Variants in TPH2 observed in about 807,000 individuals in gnomAD.
TPH2 encodes tryptophan 5-hydroxylase 2.
Under a neutral mutation model 59.1 loss-of-function variants are expected in TPH2, and 27 were observed. That is an observed-to-expected ratio of 0.46 (90% confidence interval 0.34 to 0.63). TPH2 has a LOEUF of 0.63. Among genes scored for constraint, TPH2 ranks in the 30% least tolerant of loss-of-function variants. TPH2 has a pLI of 0.01. For missense variants in TPH2, 523 were observed against 588.3 expected, an observed-to-expected ratio of 0.89 and a Z score of 1.15; for synonymous variants, 220 against 210.5, an observed-to-expected ratio of 1.05 and a Z score of -0.39.
intron 8 of TPH2, among the ~76,000 whole-genome samples, chr12:72,015,431 T>C (rs1212243499): frequency 6.7e-6 from 1 of 149,194 alleles, no homozygotes; most frequent in Non-Finnish European, 1.5e-5. Context: ...GCCATTCTCC[T>C]GTCTCAGCCT....
chr12:71,972,732 G>A lies in TPH2; in HGVS notation c.805+17G>A. ...TTCTGAAAGGTAAGATTTCACACAG[G>A]CTGTCTCTTATTAGTCAATATCCTC... On this transcript the variant is annotated intron_variant, in intron 6 of 10. Coordinates refer to ENST00000333850, the MANE Select transcript of TPH2 (RefSeq NM_173353.4). The A allele has an allele frequency of 1.9e-6, 3 of 1,611,430 alleles. No individual in the cohort carries two copies. Among genetic ancestry groups the A allele is most frequent in the South Asian group, 2.2e-5 (2 of 91,068 alleles).
At chr12:71,961,621 G>C (rs1310890770) in intron 5 of TPH2, 1 of 1,352,080 alleles carries the variant, frequency 7.4e-7, no homozygotes, top group Non-Finnish European at 9.8e-7. Flanking sequence ...AGTTCTTTGA[G>C]CTCAAGCTCC....
chr12:71,991,743 G>A (rs980331403), intron 7 of TPH2, among the ~76,000 whole-genome samples: 3 of 152,172 alleles, frequency 2.0e-5, no homozygotes, highest in African/African-American at 7.2e-5. Flanking sequence ...TGAATCAAAT[G>A]CACATGGAGA....
intron 8 of TPH2, among the ~76,000 whole-genome samples, chr12:72,015,126 C>T (rs559235170): frequency 6.6e-6 from 1 of 152,070 alleles, no homozygotes; most frequent in South Asian, 2.1e-4. Context: ...ACTCTAGTAG[C>T]TAGGGTAGGT....
intron 7 of TPH2, among the ~76,000 whole-genome samples, chr12:71,980,896 A>G (rs989254224): frequency 3.3e-5 from 5 of 152,234 alleles, no homozygotes; most frequent in Admixed American, 2.6e-4. Flanking sequence ...AGGGCAGTGC[A>G]GTGGATTCAG....
intron 2 of TPH2, among the ~76,000 whole-genome samples, chr12:71,942,457 T>C (rs1592857442): frequency 6.6e-6 from 1 of 152,084 alleles, no homozygotes; most frequent in African/African-American, 2.4e-5. Context: ...GCAGTGGCGG[T>C]TGATGAGAGC....
chr12:71,994,313 A>G, intron 7 of TPH2, 126 bp from the exon 8 acceptor site: 3 of 1,007,148 alleles, frequency 3.0e-6, no homozygotes, highest in South Asian at 2.7e-5. Context: ...AAGTCCCAGC[A>G]TTGATGAACT....
intron 10 of TPH2, 36 bp from the exon 11 acceptor site, chr12:72,031,485 T>G: frequency 3.1e-6 from 5 of 1,613,212 alleles, no homozygotes; most frequent in Non-Finnish European, 4.2e-6. Flanking sequence ...CAATGAGGGT[T>G]GATCACATCT....
chr12:72,015,090 T>C (rs1592412199), intron 8 of TPH2, among the ~76,000 whole-genome samples: 1 of 152,188 alleles, frequency 6.6e-6, no homozygotes, highest in East Asian at 1.9e-4. Context: ...GCTTGTAAAC[T>C]GACATTTTGA....
chr12:71,949,343 C>T (rs893345719), intron 4 of TPH2, among the ~76,000 whole-genome samples: 1 of 152,152 alleles, frequency 6.6e-6, no homozygotes, highest in African/African-American at 2.4e-5. Context: ...CTAAGCCATT[C>T]TGCTTACTTA....
At chr12:71,947,021 A>G (rs147590586) in intron 4 of TPH2, among the ~76,000 whole-genome samples, 1 of 152,158 alleles carries the variant, frequency 6.6e-6, no homozygotes, top group Non-Finnish European at 1.5e-5. Context: ...GTTCACTCAT[A>G]AGGTGTTTGT....
chr12:71,944,511 C>T, intron 3 of TPH2, 34 bp downstream of exon 3: 2 of 1,613,734 alleles, frequency 1.2e-6, no homozygotes, highest in Non-Finnish European at 1.7e-6. Flanking sequence ...GGTAACTTTG[C>T]AATCTGACAA....
chr12:72,024,866 C>T (rs1365161016), intron 9 of TPH2, among the ~76,000 whole-genome samples: 4 of 152,170 alleles, frequency 2.6e-5, no homozygotes, highest in African/African-American at 9.7e-5. Flanking sequence ...GGTCCATTAC[C>T]TCTAGTCATT....
chr12:72,006,950 A>G (rs1319860687), intron 8 of TPH2, among the ~76,000 whole-genome samples: 1 of 152,134 alleles, frequency 6.6e-6, no homozygotes, highest in Non-Finnish European at 1.5e-5. Context: ...TCACATGACT[A>G]TACTCTCAGA....
chr12:71,991,591 T>C (rs1396147592), intron 7 of TPH2, among the ~76,000 whole-genome samples: 1 of 152,190 alleles, frequency 6.6e-6, no homozygotes, highest in Non-Finnish European at 1.5e-5. Context: ...TGAGCCACAA[T>C]GGAGGTTTTC....
intron 7 of TPH2, among the ~76,000 whole-genome samples, chr12:71,985,852 T>G (rs558232339): frequency 6.6e-6 from 1 of 152,288 alleles, no homozygotes; most frequent in African/African-American, 2.4e-5. Context: ...CCCTTTGATC[T>G]TCACAAGGTC....
At chr12:71,961,045 C>T (rs1871666034) in intron 5 of TPH2, among the ~76,000 whole-genome samples, 1 of 152,160 alleles carries the variant, frequency 6.6e-6, no homozygotes, top group African/African-American at 2.4e-5. Context: ...TGTGAGAAGT[C>T]TTATTTCCCT....
chr12:71,985,402 CT>C lies in TPH2; in HGVS notation c.941+6322del, dbSNP rs550597288. 4.1e-3 allele frequency among the ~76,000 whole-genome samples: 626 copies of C among 152,066 alleles called. 7 individuals carry two copies. The highest frequency in any genetic ancestry group is 0.014 in the African/African-American group (591 of 41,496). ...AGAAGGGATTTGAAAAGGCTACTTT[CT>C]TTTTTTATTTTTTGAGACGGAGTCC... On this transcript the variant is annotated intron_variant, in intron 7 of 10. Transcript: ENST00000333850.
chr12:71,953,323 G>T (rs1189061640), intron 5 of TPH2, among the ~76,000 whole-genome samples: 2 of 152,078 alleles, frequency 1.3e-5, no homozygotes, highest in Non-Finnish European at 2.9e-5. Context: ...TTAATGCCCC[G>T]CATGCTGTCA....
Sources: gnomAD v4.1 joint callset for allele counts (sites outside exome capture counted in the v4.1 genomes callset) on GRCh38, gnomAD v4.1.1 for gene constraint, MANE v1.5 for transcripts, NCBI Gene and HGNC (gene_info 2026-07-23, HGNC 2026-07-21) for gene names.